TAF4B: variants seen among roughly 807,000 people sequenced by gnomAD.
TAF4B encodes TATA-box binding protein associated factor 4b.
Under a neutral mutation model 86.4 loss-of-function variants are expected in TAF4B, and 38 were observed. The ratio of observed to expected loss-of-function variants is 0.44; its 90% confidence interval spans 0.34 to 0.58. The LOEUF (loss-of-function observed/expected upper bound fraction) is 0.58. TAF4B is among the 20% of genes least tolerant of loss of function. The probability of loss-of-function intolerance (pLI) is 0.02; values close to 1 mark genes in which losing one functional copy is unlikely to be tolerated. For synonymous variants in TAF4B, 388 were observed against 391.2 expected (o/e 0.99, Z 0.10); for missense variants, 988 against 1,027.6 (o/e 0.96, Z 0.53).
intron 13 of TAF4B, among the ~76,000 whole-genome samples, chr18:26,350,734 AAAG>A (rs1318189441): frequency 1.3e-5 from 2 of 152,234 alleles, no homozygotes; most frequent in Non-Finnish European, 2.9e-5. Flanking sequence ...ACATTTCTCA[AAAG>A]AAGACATGCA....
chr18:26,296,997 G>T (rs1166519178), intron 9 of TAF4B, among the ~76,000 whole-genome samples: 1 of 152,014 alleles, frequency 6.6e-6, no homozygotes, highest in Non-Finnish European at 1.5e-5. Context: ...AAATTAGCAG[G>T]GCATGGTGGT....
At chr18:26,305,025 G>T in intron 9 of TAF4B, 1 of 422,940 alleles carries the variant, frequency 2.4e-6, no homozygotes, top group Non-Finnish European at 3.2e-6. Flanking sequence ...GTTTAACTTG[G>T]AAATTTGTTT....
At chr18:26,361,637 T>TG (rs1389752217) in intron 14 of TAF4B, among the ~76,000 whole-genome samples, 3 of 144,472 alleles carry the variant, frequency 2.1e-5, no homozygotes, top group East Asian at 2.1e-4. Flanking sequence ...CCTAGCTACG[T>TG]GGGGGGTTGA....
intron 14 of TAF4B, among the ~76,000 whole-genome samples, chr18:26,379,575 C>T (rs189737959): frequency 2.6e-5 from 4 of 152,210 alleles, no homozygotes; most frequent in Non-Finnish European, 4.4e-5. Context: ...TGCCATACTA[C>T]AATCTCTCTT....
At position 26,226,996 on chromosome 18, in the gene TAF4B, G is replaced by A. The variant is rs927092903; in HGVS notation, c.63G>A (p.Gly21=). ...AAPPAAVSAS[G]TVTMAPAGAL... ...CCCCGGCTGCTGTGAGCGCCTCGGG[G>A]ACCGTGACCATGGCCCCGGCCGGGG... Residue 21 remains glycine, a synonymous_variant, in exon 1 of 15, where the codon GGG becomes GGA. Transcript: ENST00000269142. 1.4e-6 allele frequency: 2 copies of A among 1,434,624 alleles called. No individual in the cohort carries two copies. The highest frequency in any genetic ancestry group is 1.8e-6 in the Non-Finnish European group (2 of 1,107,780). 88.9% of individuals were successfully genotyped at this position (1,434,624 alleles called of 1,614,324 possible).
At chr18:26,388,544 G>T (rs1262209904) in intron 14 of TAF4B, among the ~76,000 whole-genome samples, 2 of 152,198 alleles carry the variant, frequency 1.3e-5, no homozygotes, top group African/African-American at 4.8e-5. Flanking sequence ...ACAACGTAAG[G>T]TAATTGCCAC....
At chr18:26,346,717 T>C (rs542316035) in intron 13 of TAF4B, among the ~76,000 whole-genome samples, 8 of 128,830 alleles carry the variant, frequency 6.2e-5, no homozygotes, top group Non-Finnish European at 9.9e-5. Context: ...AAAGGAAAAT[T>C]TTAAAAAACT....
chr18:26,250,122 A>G (rs530405033), intron 1 of TAF4B, among the ~76,000 whole-genome samples: 27 of 151,954 alleles, frequency 1.8e-4, no homozygotes, highest in African/African-American at 6.0e-4. Flanking sequence ...TGCAGCCTCA[A>G]ACTCCTGAGC....
intron 14 of TAF4B, among the ~76,000 whole-genome samples, chr18:26,376,587 C>G (rs1049841227): frequency 6.7e-6 from 1 of 149,450 alleles, no homozygotes; most frequent in Non-Finnish European, 1.5e-5. Flanking sequence ...TTGTGAGTTT[C>G]TTGGGATTTT....
rs373332409 is a variant in TAF4B at position 26,317,264 on chromosome 18, C to T, written c.2002+1866C>T. 4.6e-5 allele frequency among the ~76,000 whole-genome samples: 7 copies of T among 152,194 alleles called. No individual in the cohort carries two copies. The East Asian group carries it at 1.4e-3, about 29-fold the overall frequency. ...CAGGCTGGTCTTGAACTCCTGACGT[C>T]AAGTCATCCACCCGCCTTGGCCTCC... On this transcript the variant is annotated intron_variant, in intron 10 of 14. Coordinates refer to ENST00000269142, the MANE Select transcript of TAF4B (RefSeq NM_005640.3).
chr18:26,343,070 G>A (rs1317533264), intron 13 of TAF4B, among the ~76,000 whole-genome samples: 2 of 152,190 alleles, frequency 1.3e-5, no homozygotes. Flanking sequence ...ACATTGAAAG[G>A]TAAATAGTAA....
At chr18:26,294,650 T>C (rs1342084612) in intron 9 of TAF4B, among the ~76,000 whole-genome samples, 1 of 126,484 alleles carries the variant, frequency 7.9e-6, no homozygotes, top group Non-Finnish European at 1.9e-5. Context: ...ATATGTATCA[T>C]ACATATTTAT....
intron 13 of TAF4B, among the ~76,000 whole-genome samples, chr18:26,356,076 A>G (rs543611601): frequency 6.6e-6 from 1 of 152,180 alleles, no homozygotes; most frequent in Non-Finnish European, 1.5e-5. Flanking sequence ...TAGCTTATAC[A>G]CAACAGAATT....
At chr18:26,312,358 T>C (rs545734471) in intron 9 of TAF4B, among the ~76,000 whole-genome samples, 21 of 152,312 alleles carry the variant, frequency 1.4e-4, no homozygotes, top group African/African-American at 4.1e-4. Context: ...TGCTGTTTTT[T>C]TGTGGCACCT....
At chr18:26,346,875 G>A (rs12969981) in intron 13 of TAF4B, among the ~76,000 whole-genome samples, 1,165 of 5,112 alleles carry the variant, frequency 0.23, 292 homozygotes, top group Middle Eastern at 1. Context: ...ATATATATAT[G>A]TGTATATATA....
At chr18:26,262,102 G>A (rs1264942607) in intron 1 of TAF4B, among the ~76,000 whole-genome samples, 3 of 152,078 alleles carry the variant, frequency 2.0e-5, no homozygotes, top group Non-Finnish European at 4.4e-5. Context: ...TCTCCTTGAA[G>A]TACAGATTTC....
At chr18:26,261,288 C>T (rs1316146311) in intron 1 of TAF4B, among the ~76,000 whole-genome samples, 1 of 146,730 alleles carries the variant, frequency 6.8e-6, no homozygotes, top group African/African-American at 2.5e-5. Flanking sequence ...GCAAGCTCCG[C>T]CTCCCGGGTT....
chr18:26,236,194 G>A (rs1014617422), intron 1 of TAF4B, among the ~76,000 whole-genome samples: 3 of 152,160 alleles, frequency 2.0e-5, no homozygotes, highest in Non-Finnish European at 4.4e-5. Context: ...TCATAAGGGT[G>A]TAGGACTTTC....
chr18:26,297,828 G>T (rs2056682450), intron 9 of TAF4B, among the ~76,000 whole-genome samples: 1 of 152,132 alleles, frequency 6.6e-6, no homozygotes, highest in African/African-American at 2.4e-5. Flanking sequence ...TATGGACATA[G>T]ATTTTCTTTT....
Sources: gnomAD v4.1 joint callset for allele counts (sites outside exome capture counted in the v4.1 genomes callset) on GRCh38, gnomAD v4.1.1 for gene constraint, MANE v1.5 for transcripts, NCBI Gene and HGNC (gene_info 2026-07-23, HGNC 2026-07-21) for gene names.